The following ARG2 variants were observed in gnomAD, a reference collection of about 807,000 sequenced individuals.
ARG2 encodes arginase 2, also known as arginase-2, mitochondrial.
A neutral mutation model predicts 39.4 loss-of-function variants in ARG2; 21 were observed. That is an observed-to-expected ratio of 0.53 (90% CI 0.38 to 0.77). ARG2 has a LOEUF of 0.77. ARG2 is among the 30% of genes least tolerant of loss of function. The probability of loss-of-function intolerance (pLI) is 0.00; values close to 1 mark genes in which losing one functional copy is unlikely to be tolerated. For missense variants in ARG2, 378 were observed against 426.2 expected, an observed-to-expected ratio of 0.89 and a Z score of 1.00; for synonymous variants, 150 against 156.7, an observed-to-expected ratio of 0.96 and a Z score of 0.32.
At chr14:67,633,995 G>T (rs1010564575) in intron 2 of ARG2, among the ~76,000 whole-genome samples, 1 of 152,136 alleles carries the variant, frequency 6.6e-6, no homozygotes, top group South Asian at 2.1e-4. Flanking sequence ...CACTTTCTCT[G>T]CCTGACATCC....
At chr14:67,633,013 T>A (rs944970472) in intron 2 of ARG2, among the ~76,000 whole-genome samples, 1 of 151,356 alleles carries the variant, frequency 6.6e-6, no homozygotes, top group African/African-American at 2.4e-5. Context: ...GTAGAGACAG[T>A]GTTTCACCAT....
Position 67,651,607 on chromosome 14 carries a change from T to C in ARG2, c.*687T>C. Reference sequence around the variant, plus strand: ...CTGTATGTTTGATCACACAGCCACTTAGCAGGAAGTACTCATAAGGTTCTT... The same window carrying C: ...CTGTATGTTTGATCACACAGCCACTCAGCAGGAAGTACTCATAAGGTTCTT... On this transcript the variant is annotated 3_prime_UTR_variant, in exon 8 of 8. Coordinates refer to ENST00000261783, the MANE Select transcript of ARG2 (RefSeq NM_001172.4). 5.9e-6 allele frequency: 6 copies of C among 1,010,562 alleles called. No individual in the cohort carries two copies. Among genetic ancestry groups the C allele is most frequent in the Non-Finnish European group, 8.5e-6 (6 of 705,034 alleles). The allele number at this position is 1,010,562 out of a possible 1,614,324, so 62.6% of individuals were successfully genotyped here.
chr14:67,637,313 A>C (rs1168662618), intron 2 of ARG2, among the ~76,000 whole-genome samples: 1 of 148,394 alleles, frequency 6.7e-6, no homozygotes, highest in Non-Finnish European at 1.5e-5. Context: ...GGGGAGGCTG[A>C]GGCAGCAGAG....
chr14:67,631,136 C>T (rs1290891839), intron 2 of ARG2, among the ~76,000 whole-genome samples: 1 of 152,140 alleles, frequency 6.6e-6, no homozygotes, highest in Non-Finnish European at 1.5e-5. Context: ...TCCACCATCC[C>T]CCTTGACCTT....
intron 2 of ARG2, among the ~76,000 whole-genome samples, chr14:67,626,117 G>A (rs1398183116): frequency 6.6e-6 from 1 of 152,090 alleles, no homozygotes; most frequent in East Asian, 1.9e-4. Context: ...AGCCGGATGT[G>A]GTGGCACACT....
intron 2 of ARG2, among the ~76,000 whole-genome samples, chr14:67,629,897 A>C (rs1309601642): frequency 6.6e-6 from 1 of 152,280 alleles, no homozygotes; most frequent in Non-Finnish European, 1.5e-5. Context: ...ACATTCTTAC[A>C]GAAAGTCCAC....
intron 2 of ARG2, among the ~76,000 whole-genome samples, chr14:67,622,122 G>A (rs60676926): frequency 0.023 from 3,533 of 152,138 alleles, 138 homozygotes; most frequent in African/African-American, 0.081. Flanking sequence ...ATGGCAGGAA[G>A]GTTCTTCTTT....
rs369339972 is a variant in ARG2 at position 67,650,934 on chromosome 14, C to A, written c.*14C>A. 1.6e-5 allele frequency: 26 copies of A among 1,611,548 alleles called. No individual in the cohort carries two copies. The African/African-American group carries it at 3.2e-4, about 20-fold the overall frequency. The stretch of plus-strand genomic sequence containing the variant: ...GTGAGAATTTAGGAGACACTGTGCA[C>A]TGACATGTTTCACAACAGGCATTCC... On this transcript the variant is annotated 3_prime_UTR_variant, in exon 8 of 8. Coordinates refer to ENST00000261783, the MANE Select transcript of ARG2 (RefSeq NM_001172.4).
chr14:67,624,434 G>A (rs1219544542), intron 2 of ARG2, among the ~76,000 whole-genome samples: 1 of 152,216 alleles, frequency 6.6e-6, no homozygotes, highest in East Asian at 1.9e-4. Context: ...TTGACTCATG[G>A]TTCTGCAGGA....
intron 2 of ARG2, among the ~76,000 whole-genome samples, chr14:67,640,857 A>G (rs949530340): frequency 2.6e-5 from 4 of 152,202 alleles, no homozygotes. Context: ...TTAGGAGACA[A>G]ACTGCATAGT....
intron 2 of ARG2, among the ~76,000 whole-genome samples, chr14:67,622,437 T>A (rs1275783830): frequency 1.3e-5 from 2 of 152,204 alleles, no homozygotes; most frequent in African/African-American, 4.8e-5. Flanking sequence ...TATGGTGACA[T>A]GGATTCAATA....
In ARG2 at chr14:67,646,915, T is replaced by A. The variant is rs754217370; in HGVS notation, c.618-6T>A. On this transcript the variant is annotated splice_region_variant and splice_polypyrimidine_tract_variant and intron_variant, in intron 5 of 7. Transcript: ENST00000261783. ...TAAGGACTCCTCCCTTTATATCTCA[T>A]CACAGTTTTATTTTAAAGAACTATG... The A allele has an allele frequency of 6.4e-7, 1 of 1,562,444 alleles. No individual in the cohort carries two copies. Among genetic ancestry groups the A allele is most frequent in the Non-Finnish European group, 8.8e-7 (1 of 1,133,410 alleles).
intron 3 of ARG2, among the ~76,000 whole-genome samples, chr14:67,644,070 T>C (rs142060844): frequency 1.3e-5 from 2 of 152,256 alleles, no homozygotes; most frequent in Admixed American, 6.5e-5. Flanking sequence ...ATCAATGTGA[T>C]TACCACAGAT....
At position 67,651,343 on chromosome 14, in the gene ARG2, C is replaced by T. The variant is rs774272882; in HGVS notation, c.*423C>T. 6.2e-7 allele frequency: 1 copy of T among 1,612,332 alleles called. No individual in the cohort carries two copies. Among genetic ancestry groups the T allele is most frequent in the Non-Finnish European group, 8.5e-7 (1 of 1,178,882 alleles). On this transcript the variant is annotated 3_prime_UTR_variant, in exon 8 of 8. Coordinates refer to ENST00000261783, the MANE Select transcript of ARG2 (RefSeq NM_001172.4). Reference sequence around the variant, plus strand: ...CCACATCCCTAACATCATGCATTCACAAGGTCAAAGTTCTGGTCCACAAAC... The same window carrying T: ...CCACATCCCTAACATCATGCATTCATAAGGTCAAAGTTCTGGTCCACAAAC...
chr14:67,637,988 G>A (rs2036990181), intron 2 of ARG2, among the ~76,000 whole-genome samples: 1 of 152,146 alleles, frequency 6.6e-6, no homozygotes, highest in Non-Finnish European at 1.5e-5. Flanking sequence ...CTCTCCCGCT[G>A]CCTTGAACCT....
At chr14:67,634,597 A>C (rs551754614) in intron 2 of ARG2, among the ~76,000 whole-genome samples, 3 of 150,738 alleles carry the variant, frequency 2.0e-5, no homozygotes, top group East Asian at 3.9e-4. Flanking sequence ...GTGTCTCCAA[A>C]AAAAAAAAAA....
chr14:67,648,298 T>A, intron 7 of ARG2, 115 bp downstream of exon 7: 1 of 1,201,534 alleles, frequency 8.3e-7, no homozygotes, highest in Non-Finnish European at 1.1e-6. Context: ...TGTTTTTGCT[T>A]AAACTTTTGT....
At chr14:67,643,852 T>TAAAAAAAA (rs553614739) in intron 3 of ARG2, among the ~76,000 whole-genome samples, 1 of 81,216 alleles carries the variant, frequency 1.2e-5, no homozygotes, top group Non-Finnish European at 2.6e-5. Flanking sequence ...TCCTTGGGAG[T>TAAAAAAAA]AAAAAAAAAA....
rs766031321 is a variant in ARG2 at position 67,642,202 on chromosome 14, CTT to C, written c.203_204del (p.Phe68TrpfsTer12). On this transcript the variant is annotated frameshift_variant, in exon 3 of 8. Transcript: ENST00000261783. LOFTEE classifies it high-confidence loss of function. ...TGCTTCCAGGCTGCCACCTAAAAGA[CTT>C]TGGAGATTTGAGTTTTACTCCAGTC... ...LSSLGCHLKDFGDLSFTPVPK... is the reference protein window; with the variant it reads ...LSSLGCHLKDXGDLSFTPVPK... The C allele has an allele frequency of 2.5e-6, 4 of 1,614,048 alleles. No homozygotes were observed. Among genetic ancestry groups the C allele is most frequent in the Admixed American group, 3.3e-5 (2 of 60,012 alleles).
Sources: allele counts gnomAD v4.1 joint callset (sites outside exome capture counted in the v4.1 genomes callset), GRCh38; gene constraint gnomAD v4.1.1; transcripts MANE v1.5; gene names NCBI Gene and HGNC (gene_info 2026-07-23, HGNC 2026-07-21).